The following PI15 variants were observed in gnomAD, a reference collection of about 807,000 sequenced individuals.
PI15 encodes 25 kDa trypsin inhibitor.
In PI15, 18 loss-of-function variants were observed where a neutral mutation model predicts 31.0. The ratio of observed to expected loss-of-function variants is 0.58; its 90% confidence interval spans 0.40 to 0.86. The LOEUF is 0.86. PI15 is among the 40% of genes least tolerant of loss of function. The pLI is 0.00. For missense variants in PI15, 282 were observed against 328.1 expected (o/e 0.86, Z 1.09); for synonymous variants, 118 against 119.1 (o/e 0.99, Z 0.06).
At chr8:74,835,276 T>C (rs543807147) in intron 2 of PI15, among the ~76,000 whole-genome samples, 18 of 152,304 alleles carry the variant, frequency 1.2e-4, no homozygotes, top group South Asian at 2.1e-4. Flanking sequence ...TTTCAACCAA[T>C]AAAGTCATTT....
At chr8:74,828,559 A>G (rs181258140) in intron 2 of PI15, among the ~76,000 whole-genome samples, 7 of 152,204 alleles carry the variant, frequency 4.6e-5, no homozygotes, top group Admixed American at 4.6e-4. Flanking sequence ...GTTTGATACT[A>G]TTACCTTTAG....
At chr8:74,845,972 G>T (rs1022442892) in intron 5 of PI15, 3 of 154,654 alleles carry the variant, frequency 1.9e-5, no homozygotes, top group Admixed American at 6.3e-5. Context: ...TATATAAAAT[G>T]GATTATGGAA....
At position 74,825,270 on chromosome 8, in the gene PI15, C is replaced by T. The variant is rs774506378; in HGVS notation, c.21C>T (p.Val7=). 1 of 1,613,452 alleles carries T rather than the reference C, an allele frequency of 6.2e-7. No individual in the cohort carries two copies. The highest frequency in any genetic ancestry group is 1.3e-5 in the African/African-American group (1 of 74,974). MIAISA[V]SSALLFSLLC... is the part of the protein sequence containing the mutation. ...TCAAAATGATAGCAATCTCTGCCGT[C>T]AGCAGTGCACTCCTGTTCTCCCTTC... The change falls in exon 2 of 6, where the codon GTC becomes GTT. Residue 7 remains valine, a synonymous_variant. Coordinates refer to ENST00000260113, the MANE Select transcript of PI15 (RefSeq NM_015886.5).
intron 2 of PI15, among the ~76,000 whole-genome samples, chr8:74,829,246 T>C (rs1810744840): frequency 6.6e-6 from 1 of 152,116 alleles, no homozygotes; most frequent in Admixed American, 6.6e-5. Context: ...TCATTTATAA[T>C]GATATTTGAT....
chr8:74,834,188 G>A (rs575572867), intron 2 of PI15, among the ~76,000 whole-genome samples: 10 of 152,230 alleles, frequency 6.6e-5, no homozygotes, highest in African/African-American at 2.4e-4. Context: ...AAATGGCAAC[G>A]TAAAGTACCT....
intron 5 of PI15, among the ~76,000 whole-genome samples, chr8:74,847,310 T>G (rs1346829594): frequency 2.6e-5 from 4 of 152,076 alleles, no homozygotes; most frequent in African/African-American, 9.6e-5. Flanking sequence ...CTTGGTGTGG[T>G]GGTGCATATC....
At chr8:74,829,771 G>A (rs1308484359) in intron 2 of PI15, among the ~76,000 whole-genome samples, 1 of 151,968 alleles carries the variant, frequency 6.6e-6, no homozygotes, top group East Asian at 1.9e-4. Flanking sequence ...GTTGAAGAAG[G>A]GAGCGATAAT....
At chr8:74,845,541 G>C in intron 5 of PI15, 44 bp downstream of exon 5, 1 of 1,195,640 alleles carries the variant, frequency 8.4e-7, no homozygotes, top group Non-Finnish European at 1.3e-6. Flanking sequence ...CTTTAAAGAC[G>C]TTAAATATCC....
At chr8:74,848,164 T>C (rs1425779837) in intron 5 of PI15, among the ~76,000 whole-genome samples, 1 of 152,174 alleles carries the variant, frequency 6.6e-6, no homozygotes, top group African/African-American at 2.4e-5. Context: ...ATTAAATGGG[T>C]TCAGTATTAT....
chr8:74,842,267 C>T (rs1374453498), intron 2 of PI15, among the ~76,000 whole-genome samples: 1 of 152,058 alleles, frequency 6.6e-6, no homozygotes, highest in Non-Finnish European at 1.5e-5. Flanking sequence ...CATTTACATA[C>T]CTCCTCATAT....
intron 5 of PI15, among the ~76,000 whole-genome samples, chr8:74,847,252 C>T (rs13262311): frequency 6.6e-6 from 1 of 151,980 alleles, no homozygotes; most frequent in Admixed American, 6.6e-5. Context: ...TCAAGACCAG[C>T]CTGACCAACA....
chr8:74,830,139 C>A (rs1810760678), intron 2 of PI15, among the ~76,000 whole-genome samples: 3 of 152,010 alleles, frequency 2.0e-5, no homozygotes. Context: ...AAGAACCGCA[C>A]AGCTGCTCCA....
chr8:74,838,855 T>C (rs544157684), intron 2 of PI15, among the ~76,000 whole-genome samples: 5 of 152,190 alleles, frequency 3.3e-5, no homozygotes, highest in Admixed American at 6.5e-5. Context: ...CCAGAGATAG[T>C]GGCTGGGATT....
chr8:74,833,504 G>C (rs748515571), intron 2 of PI15, among the ~76,000 whole-genome samples: 3 of 151,818 alleles, frequency 2.0e-5, no homozygotes, highest in Non-Finnish European at 4.4e-5. Context: ...ATTAATTCTT[G>C]ATGTCTCTTA....
intron 2 of PI15, among the ~76,000 whole-genome samples, chr8:74,834,799 A>G (rs1280776235): frequency 6.6e-6 from 1 of 152,164 alleles, no homozygotes; most frequent in African/African-American, 2.4e-5. Context: ...CCTAGAATTT[A>G]TGTGACAAAT....
Position 74,825,454 on chromosome 8 carries a change from G to T in PI15, c.205G>T (p.Ala69Ser). 3.7e-6 allele frequency: 6 copies of T among 1,612,656 alleles called. No homozygotes were observed. Among genetic ancestry groups the T allele is most frequent in the Non-Finnish European group, 5.1e-6 (6 of 1,179,284 alleles). ...CTACATTTCGCAGAATGACATGATCGCCATTCTTGATTATCATAATCAAGT... is the reference window on the plus strand; with the variant it reads ...CTACATTTCGCAGAATGACATGATCTCCATTCTTGATTATCATAATCAAGT... ...KRYISQNDMI[A>S]ILDYHNQVRG... Residue 69 changes from alanine to serine, a missense_variant, in exon 2 of 6, where the codon GCC (alanine) becomes TCC (serine). Coordinates refer to ENST00000260113, the MANE Select transcript of PI15 (RefSeq NM_015886.5).
chr8:74,831,882 C>A (rs1256020575), intron 2 of PI15, among the ~76,000 whole-genome samples: 1 of 151,996 alleles, frequency 6.6e-6, no homozygotes, highest in Non-Finnish European at 1.5e-5. Flanking sequence ...TGGATAAAAA[C>A]TCATTGAGGC....
chr8:74,849,380 CT>C lies in PI15; in HGVS notation c.*130del. ...TAATCTTGTTTTCCTCTTAGTATTC[CT>C]TTGTATAAATTAGTGTTTGTCTAGC... On this transcript the variant is annotated 3_prime_UTR_variant, in exon 6 of 6. Transcript: ENST00000260113. 1.6e-6 allele frequency: 1 copy of C among 635,734 alleles called. No homozygotes were observed. Among genetic ancestry groups the C allele is most frequent in the Non-Finnish European group, 2.6e-6 (1 of 385,216 alleles). 39.4% of individuals were successfully genotyped at this position (635,734 alleles called of 1,614,324 possible).
rs1811106781 is a variant in PI15 at position 74,851,719 on chromosome 8, A to G, written c.*2466A>G. On this transcript the variant is annotated 3_prime_UTR_variant, in exon 6 of 6. Coordinates refer to ENST00000260113, the MANE Select transcript of PI15 (RefSeq NM_015886.5). Reference sequence around the variant, plus strand: ...GAAGCCAAAAATGGCAACAATTTACAGAAATCCCACCTTTCCATGCTTAAG... The same window carrying G: ...GAAGCCAAAAATGGCAACAATTTACGGAAATCCCACCTTTCCATGCTTAAG... 1 of 152,110 alleles carries G rather than the reference A, an allele frequency of 6.6e-6. No homozygotes were observed. The highest frequency in any genetic ancestry group is 2.4e-5 in the African/African-American group (1 of 41,456). 9.4% of individuals were successfully genotyped at this position (152,110 alleles called of 1,614,324 possible).
Sources: allele counts gnomAD v4.1 joint callset (sites outside exome capture counted in the v4.1 genomes callset), GRCh38; gene constraint gnomAD v4.1.1; transcripts MANE v1.5; gene names NCBI Gene and HGNC (gene_info 2026-07-23, HGNC 2026-07-21).